The following RBFOX2 variants were observed in gnomAD, a reference collection of about 807,000 sequenced individuals.
The protein encoded by RBFOX2 is RNA binding fox-1 homolog 2.
RBFOX2 carries 10 observed loss-of-function variants against 49.1 expected under a neutral mutation model. The observed-to-expected ratio is 0.20, with a 90% CI of 0.13 to 0.35. The LOEUF is 0.35. Among genes scored for constraint, RBFOX2 ranks in the 10% least tolerant of loss-of-function variants. The pLI is 1.00. For synonymous variants in RBFOX2, 183 were observed against 187.4 expected (o/e 0.98, Z 0.19); for missense variants, 323 against 486.9 (o/e 0.66, Z 3.17).
At chr22:35,868,588 T>TA (rs2043966109) in intron 1 of RBFOX2, among the ~76,000 whole-genome samples, 1 of 151,818 alleles carries the variant, frequency 6.6e-6, no homozygotes, top group Non-Finnish European at 1.5e-5. Flanking sequence ...TGTCTCTATT[T>TA]TAAAAAAAAA....
chr22:35,819,337 C>T lies in RBFOX2; in HGVS notation c.28-9333G>A, dbSNP rs1442445160. ...ACATATAAGGCTATATGTGGGAGTC[C>T]ACATTATGTACTATGGGAAATTAAA... On this transcript the variant is annotated intron_variant, in intron 1 of 11. Transcript: ENST00000405409. Among the ~76,000 whole-genome samples, 3 of 152,024 alleles carry T rather than the reference C, an allele frequency of 2.0e-5. No homozygotes were observed. The East Asian group carries it at 5.8e-4, about 29-fold the overall frequency.
intron 1 of RBFOX2, among the ~76,000 whole-genome samples, chr22:35,932,456 T>C (rs1410606940): frequency 1.3e-5 from 2 of 152,386 alleles, no homozygotes; most frequent in East Asian, 3.9e-4. Context: ...GTTATATTTG[T>C]CAACTTAAGC....
chr22:35,866,032 G>A (rs891639706), intron 1 of RBFOX2, among the ~76,000 whole-genome samples: 1 of 152,144 alleles, frequency 6.6e-6, no homozygotes, highest in Non-Finnish European at 1.5e-5. Context: ...AGATCCAGCT[G>A]GAACTACATA....
intron 1 of RBFOX2, among the ~76,000 whole-genome samples, chr22:35,825,684 G>T (rs1370960019): frequency 6.6e-6 from 1 of 152,076 alleles, no homozygotes; most frequent in Non-Finnish European, 1.5e-5. Context: ...GTACCTACAA[G>T]AATTAACTAA....
At chr22:35,792,698 A>G (rs1947993189) in intron 2 of RBFOX2, among the ~76,000 whole-genome samples, 1 of 152,256 alleles carries the variant, frequency 6.6e-6, no homozygotes, top group Non-Finnish European at 1.5e-5. Flanking sequence ...TTCAGTCAAC[A>G]GAAGGAGCTG....
intron 1 of RBFOX2, among the ~76,000 whole-genome samples, chr22:35,913,505 G>A (rs5995177): frequency 0.17 from 25,183 of 148,076 alleles, 3,701 homozygotes; most frequent in African/African-American, 0.4. Context: ...GTGTGTGTGT[G>A]TATACATATA....
At chr22:35,854,784 C>T (rs561582917) in intron 1 of RBFOX2, among the ~76,000 whole-genome samples, 12 of 152,166 alleles carry the variant, frequency 7.9e-5, no homozygotes, top group African/African-American at 2.6e-4. Flanking sequence ...GCCTTTTACC[C>T]ATTTCTTTCT....
At chr22:35,754,694 A>G (rs1182341535) in intron 9 of RBFOX2, among the ~76,000 whole-genome samples, 2 of 152,270 alleles carry the variant, frequency 1.3e-5, no homozygotes, top group African/African-American at 4.8e-5. Context: ...CACTGTGAAC[A>G]TAGGAAAAAA....
At chr22:35,853,740 G>A (rs1399867556) in intron 1 of RBFOX2, among the ~76,000 whole-genome samples, 2 of 151,520 alleles carry the variant, frequency 1.3e-5, no homozygotes, top group Admixed American at 6.6e-5. Flanking sequence ...CCAGGCGGTG[G>A]AATGGGGTGG....
intron 2 of RBFOX2, among the ~76,000 whole-genome samples, chr22:35,782,773 C>T (rs763057341): frequency 5.1e-4 from 78 of 152,212 alleles, no homozygotes; most frequent in Non-Finnish European, 1.0e-3. Flanking sequence ...GAGACCCTGA[C>T]TCATCTGCTA....
At chr22:35,866,940 C>G (rs2043757105) in intron 1 of RBFOX2, among the ~76,000 whole-genome samples, 1 of 152,170 alleles carries the variant, frequency 6.6e-6, no homozygotes, top group Non-Finnish European at 1.5e-5. Context: ...CCTTGGAGCC[C>G]TACAGAATGT....
intron 1 of RBFOX2, among the ~76,000 whole-genome samples, chr22:35,951,943 C>T (rs1213409872): frequency 6.6e-6 from 1 of 152,166 alleles, no homozygotes; most frequent in Admixed American, 6.5e-5. Context: ...CTAAGGTTGG[C>T]CTTAGCTAGT....
intron 1 of RBFOX2, among the ~76,000 whole-genome samples, chr22:35,853,658 CGTGTGTGTGT>C (rs36048607): frequency 5.1e-4 from 72 of 141,138 alleles, no homozygotes; most frequent in Admixed American, 1.1e-3. Context: ...TATATACACA[CGTGTGTGTGT>C]GTGTGTGTGT....
At chr22:35,973,161 A>C (rs899546101) in intron 1 of RBFOX2, among the ~76,000 whole-genome samples, 1 of 152,202 alleles carries the variant, frequency 6.6e-6, no homozygotes, top group African/African-American at 2.4e-5. Flanking sequence ...TGATGAGGTA[A>C]TTATAAAGTA....
chr22:35,935,174 A>C (rs1221610326), intron 1 of RBFOX2, among the ~76,000 whole-genome samples: 3 of 152,028 alleles, frequency 2.0e-5, no homozygotes, highest in African/African-American at 7.2e-5. Flanking sequence ...GAGCTCAAAC[A>C]ATCCTCCTGC....
chr22:35,961,995 G>T (rs1050082871), upstream of RBFOX2, among the ~76,000 whole-genome samples: 1 of 152,074 alleles, frequency 6.6e-6, no homozygotes, highest in African/African-American at 2.4e-5. Context: ...TATAAGATTG[G>T]CAGAGAGAAA....
intron 2 of RBFOX2, among the ~76,000 whole-genome samples, chr22:35,796,421 T>C (rs1427339937): frequency 3.3e-5 from 5 of 152,228 alleles, no homozygotes; most frequent in African/African-American, 9.6e-5. Flanking sequence ...CTCCTTTTAA[T>C]GTATGGATTT....
In RBFOX2 at chr22:36,019,353, C is replaced by T. The variant is rs2059159890; in HGVS notation, c.186+8887G>A. Among the ~76,000 whole-genome samples, 10 of 152,336 alleles carry T rather than the reference C, an allele frequency of 6.6e-5. 2 individuals carry two copies. The South Asian group carries it at 2.1e-3, about 32-fold the overall frequency. ...ATGAGGTTTCCCCTTTAACACACTGCTCATCTCTAGTAGTTCCCAACTCTG... is the reference window on the plus strand; with the variant it reads ...ATGAGGTTTCCCCTTTAACACACTGTTCATCTCTAGTAGTTCCCAACTCTG... On this transcript the variant is annotated intron_variant, in intron 1 of 13. Coordinates refer to the RBFOX2 transcript ENST00000438146.
At chr22:35,744,289 T>C (rs750017873) in intron 11 of RBFOX2, 40 bp from the exon 14 acceptor site, 1 of 1,567,690 alleles carries the variant, frequency 6.4e-7, no homozygotes, top group East Asian at 2.3e-5. Context: ...AAAAGGTTGA[T>C]GAGAGAAGCA....
Sources: allele counts gnomAD v4.1 joint callset (sites outside exome capture counted in the v4.1 genomes callset), GRCh38; gene constraint gnomAD v4.1.1; transcripts MANE v1.5; gene names NCBI Gene and HGNC (gene_info 2026-07-23, HGNC 2026-07-21).